NECTIN2: variants seen among roughly 807,000 people sequenced by gnomAD.
The protein encoded by NECTIN2 is nectin-2.
NECTIN2 carries 23 observed loss-of-function variants against 56.9 expected under a neutral mutation model. The ratio of observed to expected loss-of-function variants is 0.40; its 90% CI spans 0.29 to 0.57. The LOEUF (loss-of-function observed/expected upper bound fraction) is 0.57, where lower values mean the gene tolerates loss of function less well. NECTIN2 is among the 20% of genes least tolerant of loss of function. The pLI, the probability that NECTIN2 is intolerant of heterozygous loss-of-function variation, is 0.38. For synonymous variants in NECTIN2, 302 were observed against 313.8 expected (o/e 0.96, Z 0.40); for missense variants, 587 against 718.3 (o/e 0.82, Z 2.09).
rs12609102 is a variant in NECTIN2 at position 44,882,046 on chromosome 19, C to T, written c.1043-165C>T. ...ATCTCCCATGCGGGGCACACATCCTCGCTCCTTCCTCATGCTCAGCAGTTT... is the reference window on the plus strand; with the variant it reads ...ATCTCCCATGCGGGGCACACATCCTTGCTCCTTCCTCATGCTCAGCAGTTT... On this transcript the variant is annotated intron_variant, in intron 5 of 8. Transcript: ENST00000252483. 5,202 of 511,450 alleles carry T rather than the reference C, an allele frequency of 0.01. 222 individuals are homozygous for T. In the East Asian group the frequency reaches 0.11, roughly 11 times the overall value. The allele number at this position is 511,450 out of a possible 1,614,324, so 31.7% of individuals were successfully genotyped here.
rs757790349 is a variant in NECTIN2, at chr19:44,885,948, C to T, written c.1208C>T (p.Pro403Leu). ...CTCCTACCCCACAGCCTGGAGGGACCTCCCTCCTACAAGCCACCGACCCCA... is the reference window on the plus strand; with the variant it reads ...CTCCTACCCCACAGCCTGGAGGGACTTCCCTCCTACAAGCCACCGACCCCA... ...GAEEDEDLEG[P>L]PSYKPPTPKA... Residue 403 changes from proline to leucine, a missense_variant, in exon 7 of 9, where the codon CCT (proline) becomes CTT (leucine). By Grantham distance (98) the Pro-to-Leu change is moderately conservative (BLOSUM62 -3). Transcript: ENST00000252483. The T allele has an allele frequency of 1.3e-6, 2 of 1,589,162 alleles. No homozygotes were observed. Among genetic ancestry groups the T allele is most frequent in the African/African-American group, 1.3e-5 (1 of 74,192 alleles).
intron 1 of NECTIN2, among the ~76,000 whole-genome samples, chr19:44,847,789 G>T (rs1052434881): frequency 4.6e-5 from 7 of 152,132 alleles, no homozygotes; most frequent in African/African-American, 1.7e-4. Context: ...CTATCCTCTG[G>T]TAGCGCCTTT....
rs1969213483 is a variant in NECTIN2 at position 44,874,429 on chromosome 19, C to A, written c.993C>A (p.Val331=). 1 of 1,614,046 alleles carries A rather than the reference C, an allele frequency of 6.2e-7. No individual in the cohort carries two copies. Among genetic ancestry groups the A allele is most frequent in the South Asian group, 1.1e-5 (1 of 91,084 alleles). ...SLFNTTFVCT[V]TNAVGMGRAE... The stretch of plus-strand genomic sequence containing the variant: ...TCAATACCACCTTCGTCTGCACAGT[C>A]ACCAATGCCGTGGGCATGGGCCGCG... Residue 331 remains valine, a synonymous_variant, in exon 5 of 9, where the codon GTC becomes GTA. Transcript: ENST00000252483. This position sits in a 1 kb window ranked among gnomAD's most constrained non-coding sequence, Gnocchi z 6.3.
intron 1 of NECTIN2, among the ~76,000 whole-genome samples, chr19:44,862,011 A>G (rs145989227): frequency 0.023 from 3,568 of 152,324 alleles, 145 homozygotes; most frequent in African/African-American, 0.082. Flanking sequence ...CCAAAAGAAT[A>G]TAAATCATTC....
At chr19:44,860,951 T>C (rs1969024899) in intron 1 of NECTIN2, among the ~76,000 whole-genome samples, 1 of 129,788 alleles carries the variant, frequency 7.7e-6, no homozygotes, top group African/African-American at 2.7e-5. Context: ...TCGATAAAGC[T>C]GTTTAAAAAA....
intron 1 of NECTIN2, among the ~76,000 whole-genome samples, chr19:44,864,954 C>T (rs938806453): frequency 2.6e-5 from 4 of 152,102 alleles, no homozygotes; most frequent in African/African-American, 9.7e-5. Context: ...GACATTGCGA[C>T]TTCATATCTT....
chr19:44,849,947 T>C (rs2122624017), intron 1 of NECTIN2, among the ~76,000 whole-genome samples: 1 of 152,244 alleles, frequency 6.6e-6, no homozygotes, highest in South Asian at 2.1e-4. Flanking sequence ...GTAGATTGTA[T>C]GGTATGGGAA....
rs952621890 is a variant in NECTIN2 at position 44,854,611 on chromosome 19, G to A, written c.88+7998G>A. On this transcript the variant is annotated intron_variant, in intron 1 of 8. Coordinates refer to ENST00000252483, the MANE Select transcript of NECTIN2 (RefSeq NM_001042724.2). ...GTGGATCACTTGAGGTCAGGAGTCC[G>A]AGACTAGCCTGGCTGACATGGCGAA... 4.6e-5 allele frequency among the ~76,000 whole-genome samples: 7 copies of A among 151,958 alleles called. No individual in the cohort carries two copies. In the East Asian group the frequency reaches 7.9e-4, roughly 17 times the overall value.
chr19:44,880,700 G>A (rs890764409), intron 5 of NECTIN2, among the ~76,000 whole-genome samples: 7 of 150,228 alleles, frequency 4.7e-5, no homozygotes, highest in South Asian at 4.2e-4. Flanking sequence ...GGGCTCAAGC[G>A]ATCGATCCTC....
intron 1 of NECTIN2, among the ~76,000 whole-genome samples, chr19:44,863,346 G>A (rs521629): frequency 0.33 from 50,417 of 151,686 alleles, 9,256 homozygotes; most frequent in Non-Finnish European, 0.39. Context: ...GCACATGCCT[G>A]CAGTCCCAGC....
intron 1 of NECTIN2, among the ~76,000 whole-genome samples, chr19:44,862,394 A>G (rs1969042125): frequency 6.6e-6 from 1 of 151,862 alleles, no homozygotes; most frequent in Non-Finnish European, 1.5e-5. Flanking sequence ...AGGCCTGGGC[A>G]AAAGAGTGAG....
At chr19:44,849,668 CCA>C (rs1227612606) in intron 1 of NECTIN2, among the ~76,000 whole-genome samples, 1 of 152,006 alleles carries the variant, frequency 6.6e-6, no homozygotes, top group African/African-American at 2.4e-5. Flanking sequence ...CAGGGAGACT[CCA>C]CAGTCAGAGA....
intron 1 of NECTIN2, among the ~76,000 whole-genome samples, chr19:44,855,073 G>A (rs564259901): frequency 2.8e-4 from 40 of 145,196 alleles, no homozygotes; most frequent in East Asian, 1.6e-3. Context: ...AGCCGAGATC[G>A]CGCTGCTGCA....
intron 2 of NECTIN2, among the ~76,000 whole-genome samples, chr19:44,867,598 G>A (rs1304587016): frequency 6.6e-6 from 1 of 152,222 alleles, no homozygotes; most frequent in Non-Finnish European, 1.5e-5. Flanking sequence ...TCAAGTCCTG[G>A]AGTCTGAGAA....
chr19:44,882,370 T>C lies in NECTIN2; in HGVS notation c.1196+6T>C. Reference sequence around the variant, plus strand: ...GGGGCAGAGGAGGACGAAGAGTAAGTGATGGGCCCTGAGACGGGGATGGGA... The same window carrying C: ...GGGGCAGAGGAGGACGAAGAGTAAGCGATGGGCCCTGAGACGGGGATGGGA... On this transcript the variant is annotated splice_donor_region_variant and intron_variant, in intron 6 of 8. Transcript: ENST00000252483. 1 of 1,409,276 alleles carries C rather than the reference T, an allele frequency of 7.1e-7. No individual in the cohort carries two copies. The highest frequency in any genetic ancestry group is 9.4e-7 in the Non-Finnish European group (1 of 1,067,746). 87.3% of individuals were successfully genotyped at this position (1,409,276 alleles called of 1,614,324 possible).
Position 44,888,279 on chromosome 19 carries a change from T to G in NECTIN2, c.1517T>G (p.Leu506Arg). The G allele has an allele frequency of 1.2e-6, 2 of 1,614,084 alleles. No homozygotes were observed. Among genetic ancestry groups the G allele is most frequent in the South Asian group, 2.2e-5 (2 of 91,080 alleles). Residue 506 changes from leucine to arginine, a missense_variant, in exon 9 of 9, where the codon CTG becomes CGG. Physicochemically the swap from Leu to Arg is moderately radical, Grantham distance 102. Coordinates refer to ENST00000252483, the MANE Select transcript of NECTIN2 (RefSeq NM_001042724.2). ...GAGGGGGAGGAGGAGGAAGAGTATC[T>G]GGACAAGATCAACCCCATCTATGAT... Reference protein sequence around the residue: ...DEEGEEEEEYLDKINPIYDAL... With the variant: ...DEEGEEEEEYRDKINPIYDAL...
Position 44,846,707 on chromosome 19 carries a change from C to T in NECTIN2, c.88+94C>T, listed in dbSNP as rs1968839395. 3 of 1,411,806 alleles carry T rather than the reference C, an allele frequency of 2.1e-6. No homozygotes were observed. In the East Asian group the frequency reaches 8.7e-5, roughly 41 times the overall value. 87.5% of individuals were successfully genotyped at this position (1,411,806 alleles called of 1,614,324 possible). A position where few individuals can be genotyped will look rare whatever the true frequency, so the allele number is the denominator to read the frequency against. On this transcript the variant is annotated intron_variant, in intron 1 of 8. Transcript: ENST00000252483. ...GCCGAGCACCTTCCCCGCCCACCCCCGGCTCCCCGAGCCCCCTCTCGCGTG... is the reference window on the plus strand; with the variant it reads ...GCCGAGCACCTTCCCCGCCCACCCCTGGCTCCCCGAGCCCCCTCTCGCGTG...
intron 1 of NECTIN2, among the ~76,000 whole-genome samples, chr19:44,852,960 T>A (rs77277280): frequency 1.3e-5 from 2 of 152,122 alleles, no homozygotes; most frequent in African/African-American, 2.4e-5. Flanking sequence ...AAATTTTTTT[T>A]AATTAGTCAA....
chr19:44,871,706 C>G, intron 2 of NECTIN2, 147 bp from the exon 3 acceptor site: 1 of 872,708 alleles, frequency 1.1e-6, no homozygotes, highest in Non-Finnish European at 1.7e-6. Context: ...GTTGCAAAAC[C>G]ACTTATCCCA....
Sources: gnomAD v4.1 joint callset for allele counts (sites outside exome capture counted in the v4.1 genomes callset) on GRCh38, gnomAD v4.1.1 for gene constraint, Gnocchi (gnomAD v3.1) non-coding constraint, MANE v1.5 for transcripts, NCBI Gene and HGNC (gene_info 2026-07-23, HGNC 2026-07-21) for gene names.